ASXL2: variants seen among roughly 807,000 people sequenced by gnomAD.
ASXL2 encodes ASXL transcriptional regulator 2.
In ASXL2, 23 loss-of-function variants were observed where a neutral mutation model predicts 122.0. The observed-to-expected ratio is 0.19, with a 90% CI of 0.14 to 0.27. ASXL2 has a LOEUF of 0.27. ASXL2 is among the 10% of genes least tolerant of loss of function. The pLI, the probability that ASXL2 is intolerant of heterozygous loss-of-function variation, is 1.00. For missense variants in ASXL2, 1,518 were observed against 1,713.8 expected (o/e 0.89, Z 2.02); for synonymous variants, 650 against 637.0 (o/e 1.02, Z -0.31).
chr2:25,773,962 G>A (rs1430671184), intron 5 of ASXL2, among the ~76,000 whole-genome samples: 3 of 151,474 alleles, frequency 2.0e-5, no homozygotes, highest in Non-Finnish European at 4.4e-5. Context: ...CCTGGGAGGC[G>A]GAGGTTGCAG....
chr2:25,874,462 C>A (rs996643555), intron 1 of ASXL2, among the ~76,000 whole-genome samples: 9 of 152,162 alleles, frequency 5.9e-5, no homozygotes, highest in African/African-American at 2.2e-4. Flanking sequence ...GCATTCCAGC[C>A]TGGGCAACCA....
intron 3 of ASXL2, among the ~76,000 whole-genome samples, chr2:25,810,959 G>T (rs761432645): frequency 1.3e-5 from 2 of 151,960 alleles, no homozygotes; most frequent in Non-Finnish European, 2.9e-5. Context: ...GGGCACTGTG[G>T]CTCATGCCTG....
intron 5 of ASXL2, among the ~76,000 whole-genome samples, chr2:25,789,724 C>T (rs2088803706): frequency 6.6e-6 from 1 of 152,134 alleles, no homozygotes; most frequent in Non-Finnish European, 1.5e-5. Flanking sequence ...TTGGGATGCC[C>T]AACCCAAATA....
intron 1 of ASXL2, chr2:25,856,799 G>T: frequency 8.1e-7 from 1 of 1,237,314 alleles, no homozygotes; most frequent in Non-Finnish European, 1.2e-6. Context: ...TCTTGGGGTT[G>T]GTGACTGTCA....
chr2:25,833,177 G>C lies in ASXL2; in HGVS notation c.143+2361C>G, dbSNP rs186908667. Among the ~76,000 whole-genome samples the C allele has an allele frequency of 3.9e-3, 597 of 152,168 alleles. 3 individuals carry two copies. Among genetic ancestry groups the C allele is most frequent in the Non-Finnish European group, 5.2e-3 (355 of 67,994 alleles). ...CCCTATACACACATACACACACCCCGGTACCAGTAAAACCAGGTGGATTAT... is the reference window on the plus strand; with the variant it reads ...CCCTATACACACATACACACACCCCCGTACCAGTAAAACCAGGTGGATTAT... On this transcript the variant is annotated intron_variant, in intron 3 of 12. Coordinates refer to ENST00000435504, the MANE Select transcript of ASXL2 (RefSeq NM_018263.6).
intron 3 of ASXL2, among the ~76,000 whole-genome samples, chr2:25,811,732 GTATTTA>G (rs1428943639): frequency 2.0e-5 from 3 of 152,012 alleles, no homozygotes; most frequent in African/African-American, 7.2e-5. Context: ...GATATAATAT[GTATTTA>G]TATTTATATT....
intron 9 of ASXL2, among the ~76,000 whole-genome samples, chr2:25,757,302 A>G (rs2088151857): frequency 6.6e-6 from 1 of 151,968 alleles, no homozygotes; most frequent in South Asian, 2.1e-4. Context: ...GTGGGCTCCA[A>G]CCATGTTAAC....
chr2:25,854,640 G>A (rs1311758304), intron 1 of ASXL2, among the ~76,000 whole-genome samples: 2 of 152,150 alleles, frequency 1.3e-5, no homozygotes, highest in Non-Finnish European at 2.9e-5. Flanking sequence ...AATGATAAAA[G>A]GCAAGTACAG....
chr2:25,851,554 C>G (rs1015644682), intron 1 of ASXL2, among the ~76,000 whole-genome samples: 1 of 152,156 alleles, frequency 6.6e-6, no homozygotes, highest in African/African-American at 2.4e-5. Flanking sequence ...ACTGACTGGT[C>G]TTTTCTATTT....
At position 25,750,414 on chromosome 2, in the gene ASXL2, C is replaced by T; in HGVS notation, c.1143-1G>A. On this transcript the variant is annotated splice_acceptor_variant, in intron 11 of 12. Coordinates refer to ENST00000435504, the MANE Select transcript of ASXL2 (RefSeq NM_018263.6). LOFTEE classifies it high-confidence loss of function. ...AGAATCTTCAAGGCTCAGGCCAGAACTAAAAAGGGGAAAAAAGAAATATTC... is the reference window on the plus strand; with the variant it reads ...AGAATCTTCAAGGCTCAGGCCAGAATTAAAAAGGGGAAAAAAGAAATATTC... 2 of 1,571,904 alleles carry T rather than the reference C, an allele frequency of 1.3e-6. No individual in the cohort carries two copies. The highest frequency in any genetic ancestry group is 1.7e-6 in the Non-Finnish European group (2 of 1,165,834).
intron 5 of ASXL2, among the ~76,000 whole-genome samples, chr2:25,786,266 G>A (rs1360408616): frequency 1.5e-5 from 1 of 65,014 alleles, no homozygotes; most frequent in Non-Finnish European, 2.4e-5. Flanking sequence ...TTTTGAGATG[G>A]AGTCTTGCTC....
chr2:25,864,833 ATT>A (rs11358919), intron 1 of ASXL2, among the ~76,000 whole-genome samples: 9 of 144,144 alleles, frequency 6.2e-5, no homozygotes, highest in African/African-American at 1.3e-4. Context: ...ACAATTTACA[ATT>A]TTTTTTTTTT....
chr2:25,809,575 G>C (rs1339341155), intron 3 of ASXL2, among the ~76,000 whole-genome samples: 1 of 152,168 alleles, frequency 6.6e-6, no homozygotes, highest in South Asian at 2.1e-4. Context: ...AGTGAAAAAG[G>C]AATAGATTGC....
intron 5 of ASXL2, among the ~76,000 whole-genome samples, chr2:25,798,558 G>T (rs2088945771): frequency 6.6e-6 from 1 of 152,170 alleles, no homozygotes; most frequent in African/African-American, 2.4e-5. Flanking sequence ...GAGGTCAGGG[G>T]TTCGAGACCA....
rs531833288 is a variant in ASXL2 at position 25,866,909 on chromosome 2, T to A, written c.57+11257A>T. On this transcript the variant is annotated intron_variant, in intron 1 of 12. Coordinates refer to ENST00000435504, the MANE Select transcript of ASXL2 (RefSeq NM_018263.6). ...CACCACGTCCAGCTAATTTTTTTTT[T>A]ATTTTTTTGAGACAGTGTTTTGCTC... Among the ~76,000 whole-genome samples the A allele has an allele frequency of 1.9e-4, 29 of 151,038 alleles. No individual in the cohort carries two copies. In the East Asian group the frequency reaches 5.5e-3, roughly 29 times the overall value.
chr2:25,876,003 C>T (rs948886234), intron 1 of ASXL2, among the ~76,000 whole-genome samples: 2 of 151,898 alleles, frequency 1.3e-5, no homozygotes, highest in African/African-American at 2.4e-5. Flanking sequence ...TTTTGAACAC[C>T]GAGATTTAGT....
chr2:25,794,278 C>T (rs1447748616), intron 5 of ASXL2, among the ~76,000 whole-genome samples: 1 of 152,152 alleles, frequency 6.6e-6, no homozygotes, highest in Non-Finnish European at 1.5e-5. Flanking sequence ...ATTCTTAAGA[C>T]ACTTTAAAAG....
At position 25,750,111 on chromosome 2, in the gene ASXL2, C is replaced by T. The variant is rs758736065; in HGVS notation, c.1445G>A (p.Cys482Tyr). Residue 482 changes from cysteine (C) to tyrosine (Y), a missense_variant, in exon 12 of 13, where the codon TGC (cysteine) becomes TAC (tyrosine). Around this residue, in one of 8 missense-constraint regions of ASXL2, gnomAD observed 292 missense variants for 293.5 expected, o/e 1.00. Transcript: ENST00000435504. ...CTCCAAGAGATCCTCATCCTTTGGG[C>T]ACTTGATGGGAAGAATGCTGCTAAG... The part of the protein sequence containing the change: ...HELSSILPIK[C>Y]PKDEDLLEQK... 6.2e-7 allele frequency: 1 copy of T among 1,613,936 alleles called. No individual in the cohort carries two copies. Among genetic ancestry groups the T allele is most frequent in the Non-Finnish European group, 8.5e-7 (1 of 1,179,894 alleles).
intron 8 of ASXL2, among the ~76,000 whole-genome samples, chr2:25,765,315 C>T (rs778821121): frequency 3.3e-5 from 5 of 151,890 alleles, no homozygotes; most frequent in African/African-American, 4.8e-5. Context: ...GAAACCCCGT[C>T]TCTACTGAAA....
Sources: gnomAD v4.1 joint callset for allele counts (sites outside exome capture counted in the v4.1 genomes callset) on GRCh38, gnomAD v4.1.1 for gene constraint, gnomAD v4.1.1 regional missense constraint, MANE v1.5 for transcripts, NCBI Gene and HGNC (gene_info 2026-07-23, HGNC 2026-07-21) for gene names.